The following NAPSA variants were observed in gnomAD, a reference collection of about 807,000 sequenced individuals.
NAPSA encodes napsin A aspartic peptidase.
NAPSA carries 37 observed loss-of-function variants against 36.7 expected under a neutral mutation model. The observed-to-expected ratio is 1.01, with a 90% CI of 0.78 to 1.33. NAPSA has a LOEUF of 1.33. Ranked by LOEUF, NAPSA falls within the 40% of genes most tolerant of loss-of-function variation. NAPSA has a pLI of 0.00. For missense variants in NAPSA, 532 were observed against 543.8 expected, an observed-to-expected ratio of 0.98 and a Z score of 0.21; for synonymous variants, 222 against 234.5, an observed-to-expected ratio of 0.95 and a Z score of 0.49.
At chr19:50,363,810 C>T (rs2037506811) in intron 1 of NAPSA, among the ~76,000 whole-genome samples, 1 of 152,068 alleles carries the variant, frequency 6.6e-6, no homozygotes, top group African/African-American at 2.4e-5. Context: ...AACAAGCTTC[C>T]CACCTTGGAC....
intron 1 of NAPSA, 98 bp from the exon 2 acceptor site, chr19:50,362,411 A>C (rs2037490859): frequency 1.7e-6 from 2 of 1,150,368 alleles, no homozygotes. Context: ...CAACATCTCC[A>C]AGGCACTACA....
upstream of NAPSA, among the ~76,000 whole-genome samples, chr19:50,367,251 G>A (rs1467968452): frequency 2.6e-5 from 4 of 152,232 alleles, no homozygotes; most frequent in African/African-American, 9.6e-5. Flanking sequence ...GATTAGACAT[G>A]AGCCACCATG....
At chr19:50,365,162 C>T (rs921749708) in intron 1 of NAPSA, among the ~76,000 whole-genome samples, 2 of 151,480 alleles carry the variant, frequency 1.3e-5, no homozygotes, top group South Asian at 2.1e-4. Flanking sequence ...GGTGAAACCC[C>T]GTCTCTACTA....
At chr19:50,359,905 G>C in intron 5 of NAPSA, 43 bp from the exon 6 acceptor site, 1 of 1,590,414 alleles carries the variant, frequency 6.3e-7, no homozygotes. Context: ...CAGTGTCACT[G>C]GCCCTCCCTC....
At chr19:50,361,625 C>A in intron 4 of NAPSA, 38 bp downstream of exon 4, 1 of 1,551,360 alleles carries the variant, frequency 6.4e-7, no homozygotes, top group Non-Finnish European at 8.9e-7. Context: ...ATGGGGTTCT[C>A]CCAGGCTCAA....
chr19:50,365,512 T>G, intron 1 of NAPSA, 27 bp downstream of exon 1: 1 of 1,604,448 alleles, frequency 6.2e-7, no homozygotes, highest in Non-Finnish European at 8.5e-7. Flanking sequence ...CCTCCTAAGG[T>G]TGGGGTGGTA....
At chr19:50,361,876 AAC>A in intron 3 of NAPSA, 91 bp downstream of exon 3, 2 of 1,602,126 alleles carry the variant, frequency 1.2e-6, no homozygotes, top group Non-Finnish European at 1.7e-6. Context: ...ATGATAAAAG[AAC>A]AGTTCCTCAA....
chr19:50,365,352 C>T (rs1283797641), intron 1 of NAPSA, among the ~76,000 whole-genome samples, 187 bp downstream of exon 1: 4 of 152,072 alleles, frequency 2.6e-5, no homozygotes, highest in South Asian at 2.1e-4. Context: ...GAAATCTGGT[C>T]TTAAGAGATG....
chr19:50,359,152 C>A, intron 7 of NAPSA, 43 bp from the exon 8 acceptor site: 1 of 1,524,978 alleles, frequency 6.6e-7, no homozygotes, highest in South Asian at 1.1e-5. Flanking sequence ...GATTCCTGCT[C>A]TGTTCAGTCC....
upstream of NAPSA, among the ~76,000 whole-genome samples, chr19:50,368,157 CAAA>C (rs56938224): frequency 4.7e-5 from 3 of 64,186 alleles, no homozygotes; most frequent in Admixed American, 3.6e-4. Flanking sequence ...GACTCCCTCT[CAAA>C]AAAAAAAAAA....
At chr19:50,368,157 C>CA (rs56938224), upstream of NAPSA, among the ~76,000 whole-genome samples, 1,519 of 63,948 alleles carry the variant, frequency 0.024, 22 homozygotes, top group African/African-American at 0.058. Context: ...GACTCCCTCT[C>CA]AAAAAAAAAA....
In NAPSA at chr19:50,359,741, G is replaced by T. The variant is rs372372402; in HGVS notation, c.790C>A (p.Arg264Ser). 6.2e-7 allele frequency: 1 copy of T among 1,614,082 alleles called. No individual in the cohort carries two copies. The highest frequency in any genetic ancestry group is 8.5e-7 in the Non-Finnish European group (1 of 1,180,048). ...VPAYWQIHME[R>S]VKVGPGLTLC... ...GAGCCAGGAGACCAAGTCCCTCACC[G>T]CTCCATGTGGATCTGCCAGTAGGCA... The change falls in exon 6 of 9, where the codon CGT (arginine) becomes AGT (serine). Residue 264 changes from arginine (R) to serine (S), a missense_variant and splice_region_variant. Arg to Ser is a moderately radical substitution (Grantham distance 110). Around this residue, in one of 3 missense-constraint regions of NAPSA, gnomAD observed 385 missense variants for 371.5 expected, o/e 1.04. Coordinates refer to ENST00000253719, the MANE Select transcript of NAPSA (RefSeq NM_004851.3).
chr19:50,368,579 T>C (rs2123626216), upstream of NAPSA, among the ~76,000 whole-genome samples: 1 of 152,262 alleles, frequency 6.6e-6, no homozygotes, highest in African/African-American at 2.4e-5. Flanking sequence ...CAGCCGAACG[T>C]GTCCCTGATA....
In NAPSA at chr19:50,361,117, T is replaced by G. The variant is rs759684674; in HGVS notation, c.492A>C (p.Ser164=). 163 of 1,613,936 alleles carry G rather than the reference T, an allele frequency of 1.0e-4. 1 individual carries two copies. The highest frequency in any genetic ancestry group is 5.0e-4 in the Admixed American group (30 of 60,022). Residue 164 remains serine (S), a synonymous_variant, in exon 5 of 9, where the codon TCA becomes TCC. Coordinates refer to ENST00000253719, the MANE Select transcript of NAPSA (RefSeq NM_004851.3). ...KLTIGGIKGA[S]VIFGEALWEP... ...CCCAGAGAGCCTCCCCGAAAATCACTGATGCACCCTTGATTCCACCAATCT... is the reference window on the plus strand; with the variant it reads ...CCCAGAGAGCCTCCCCGAAAATCACGGATGCACCCTTGATTCCACCAATCT...
At chr19:50,369,184 T>C (rs969448099), upstream of NAPSA, 1 of 152,182 alleles carries the variant, frequency 6.6e-6, no homozygotes, top group African/African-American at 2.4e-5. Flanking sequence ...AAAGGAATTA[T>C]CGCCCACATT....
At chr19:50,365,035 T>G (rs1568588110) in intron 1 of NAPSA, among the ~76,000 whole-genome samples, 2 of 143,294 alleles carry the variant, frequency 1.4e-5, no homozygotes, top group African/African-American at 5.3e-5. Flanking sequence ...ATAATAATAA[T>G]AATAAAAGGG....
In NAPSA at chr19:50,358,601, TC is replaced by T; in HGVS notation, c.1214del (p.Gly405GlufsTer42). 6.2e-7 allele frequency: 1 copy of T among 1,611,712 alleles called. No homozygotes were observed. Among genetic ancestry groups the T allele is most frequent in the South Asian group, 1.1e-5 (1 of 90,904 alleles). ...RVGLARARTR[G>X]ADLGWGETAQ... ...CAGTCTCTCCCCATCCGAGGTCCGC[TC>T]CGCGAGTGCGAGCGCGCGCCAGGCC... On this transcript the variant is annotated frameshift_variant, in exon 9 of 9. Transcript: ENST00000253719. LOFTEE classifies it low-confidence loss of function (END_TRUNC).
At chr19:50,362,418 T>A in intron 1 of NAPSA, 105 bp from the exon 2 acceptor site, 1 of 1,063,440 alleles carries the variant, frequency 9.4e-7, no homozygotes, top group Non-Finnish European at 1.3e-6. Flanking sequence ...TCCAAGGCAC[T>A]ACAATAGTAG....
In NAPSA at chr19:50,361,042, G is replaced by A. The variant is rs777593138; in HGVS notation, c.567C>T (p.Leu189=). 1.5e-5 allele frequency: 24 copies of A among 1,613,990 alleles called. No homozygotes were observed. In the Admixed American group the frequency reaches 2.2e-4, roughly 15 times the overall value. Residue 189 remains leucine, a synonymous_variant, in exon 5 of 9, where the codon CTC becomes CTT. Coordinates refer to ENST00000253719, the MANE Select transcript of NAPSA (RefSeq NM_004851.3). ...AFAHFDGILG[L]GFPILSVEGV... ...CTTCCACAGACAGAATGGGAAAACCGAGGCCCAATATCCCATCAAAATGGG... is the reference window on the plus strand; with the variant it reads ...CTTCCACAGACAGAATGGGAAAACCAAGGCCCAATATCCCATCAAAATGGG...
Sources: allele counts gnomAD v4.1 joint callset (sites outside exome capture counted in the v4.1 genomes callset), GRCh38; gene constraint gnomAD v4.1.1; regional missense constraint gnomAD v4.1.1; transcripts MANE v1.5; gene names NCBI Gene and HGNC (gene_info 2026-07-23, HGNC 2026-07-21).